DCX: variants seen among roughly 807,000 people sequenced by gnomAD.
DCX encodes the protein doublecortin, also known as neuronal migration protein doublecortin.
DCX carries 4 observed loss-of-function variants against 20.9 expected under a neutral mutation model. The observed-to-expected ratio is 0.19, with a 90% CI of 0.09 to 0.44. DCX has a LOEUF of 0.44. Ranked by LOEUF, DCX falls within the 20% of genes least tolerant of loss-of-function variation. The pLI is 0.99. For synonymous variants in DCX, 103 were observed against 111.4 expected (o/e 0.92, Z 0.47); for missense variants, 133 against 296.9 (o/e 0.45, Z 4.06).
At chrX:111,338,928 A>T (rs1460454042) in intron 3 of DCX, among the ~76,000 whole-genome samples, 1 of 111,748 alleles carries the variant, frequency 8.9e-6, no homozygotes, top group African/African-American at 3.3e-5. Flanking sequence ...GTTAAGGCCA[A>T]CAATGGCTTC....
chrX:111,310,795 T>C (rs751271146), intron 6 of DCX, among the ~76,000 whole-genome samples: 2 of 112,411 alleles, frequency 1.8e-5, no homozygotes, highest in African/African-American at 6.5e-5. Context: ...ATGGTTAGAA[T>C]TGAGTCAATA....
intron 3 of DCX, among the ~76,000 whole-genome samples, chrX:111,381,935 C>CT (rs942547064): frequency 5.4e-5 from 6 of 110,476 alleles, no homozygotes; most frequent in Non-Finnish European, 1.1e-4. Context: ...GCCTTTGATT[C>CT]TTTTTTTTTA....
At chrX:111,397,731 A>G (rs2147257912) in intron 3 of DCX, among the ~76,000 whole-genome samples, 1 of 111,897 alleles carries the variant, frequency 8.9e-6, no homozygotes, top group African/African-American at 3.2e-5. Context: ...TTTTATGTAA[A>G]CAACATTTTC....
At chrX:111,312,785 A>G in intron 5 of DCX, 49 bp from the exon 6 acceptor site, 2 of 1,126,854 alleles carry the variant, frequency 1.8e-6, no homozygotes, top group Non-Finnish European at 2.4e-6. Flanking sequence ...ACAGCATACA[A>G]AGGAGCAAGT....
At chrX:111,391,447 T>A (rs761296289) in intron 3 of DCX, among the ~76,000 whole-genome samples, 1 of 111,726 alleles carries the variant, frequency 9.0e-6, no homozygotes, top group South Asian at 3.8e-4. Context: ...TAATACCAGT[T>A]CCTTAACACA....
rs764774711 is a variant in DCX at position 111,334,927 on chromosome X, G to A, written c.706-1774C>T. ...ACTGGTTAGCACTGTTAGTTCAATA[G>A]GCATCCTGCATATTGTCCTAGTAGT... On this transcript the variant is annotated intron_variant, in intron 3 of 6. Transcript: ENST00000636035. Among the ~76,000 whole-genome samples the A allele has an allele frequency of 3.6e-5, 4 of 111,981 alleles. No homozygotes were observed. In the South Asian group the frequency reaches 1.1e-3, roughly 32 times the overall value.
chrX:111,306,972 T>A (rs747903922), intron 6 of DCX, among the ~76,000 whole-genome samples: 36 of 110,704 alleles, frequency 3.3e-4, no homozygotes, highest in Non-Finnish European at 3.8e-5. Context: ...GAAACAGAAT[T>A]GATTAGTGGT....
intron 3 of DCX, among the ~76,000 whole-genome samples, chrX:111,335,365 C>T (rs1303335986): frequency 8.9e-6 from 1 of 111,978 alleles, no homozygotes; most frequent in African/African-American, 3.2e-5. Context: ...GAGAGCTTAT[C>T]ACATAGTGAA....
chrX:111,356,499 T>A (rs981726817), intron 3 of DCX, among the ~76,000 whole-genome samples: 11 of 112,646 alleles, frequency 9.8e-5, no homozygotes, highest in Non-Finnish European at 5.6e-5. Context: ...TATAATTTTG[T>A]TATCTTACAG....
At chrX:111,304,603 T>C (rs1385142571) in intron 6 of DCX, among the ~76,000 whole-genome samples, 1 of 111,333 alleles carries the variant, frequency 9.0e-6, no homozygotes, top group Non-Finnish European at 1.9e-5. Flanking sequence ...GGTAGCTCCC[T>C]GGAAACTCCC....
chrX:111,340,168 G>C (rs925587750), intron 3 of DCX, among the ~76,000 whole-genome samples: 1 of 112,439 alleles, frequency 8.9e-6, no homozygotes, highest in East Asian at 2.8e-4. Flanking sequence ...ATAGCTCCAG[G>C]CCACACTTTT....
At chrX:111,384,088 T>C (rs1165915726) in intron 3 of DCX, among the ~76,000 whole-genome samples, 1 of 112,119 alleles carries the variant, frequency 8.9e-6, no homozygotes, top group East Asian at 2.8e-4. Context: ...CTTAGACCTT[T>C]GTTTCCAGCT....
Position 111,300,983 on chromosome X carries a change from T to C in DCX, c.*704A>G, listed in dbSNP as rs1176800002. On this transcript the variant is annotated 3_prime_UTR_variant, in exon 7 of 7. Coordinates refer to ENST00000636035, the MANE Select transcript of DCX (RefSeq NM_001195553.2). The stretch of plus-strand genomic sequence containing the variant: ...ATTCCAAATTGCCTCAGTGGAGAGA[T>C]TGACCAGGAATTCACTGTGCTTTAT... 2.6e-5 allele frequency: 3 copies of C among 113,638 alleles called. No homozygotes were observed. Among genetic ancestry groups the C allele is most frequent in the African/African-American group, 6.5e-5 (2 of 30,963 alleles). 9.4% of individuals were successfully genotyped at this position (113,638 alleles called of 1,213,427 possible). A position where few individuals can be genotyped will look rare whatever the true frequency, so the allele number is the denominator to read the frequency against.
chrX:111,346,956 G>T (rs1180964077), intron 3 of DCX, among the ~76,000 whole-genome samples: 1 of 111,400 alleles, frequency 9.0e-6, no homozygotes, highest in South Asian at 3.8e-4. Flanking sequence ...AGAAGTCAAA[G>T]TTCACCTATA....
intron 3 of DCX, among the ~76,000 whole-genome samples, chrX:111,341,643 C>T (rs1922247707): frequency 9.0e-6 from 1 of 111,523 alleles, no homozygotes. Context: ...AGGTCACCTA[C>T]AGAGGTAAGC....
chrX:111,326,358 A>G (rs1460210805), intron 5 of DCX, among the ~76,000 whole-genome samples: 1 of 111,900 alleles, frequency 8.9e-6, no homozygotes, highest in Non-Finnish European at 1.9e-5. Context: ...ATTCAATTCA[A>G]TTCAACTGGG....
intron 3 of DCX, among the ~76,000 whole-genome samples, chrX:111,374,819 T>C (rs938641014): frequency 9.2e-6 from 1 of 108,923 alleles, no homozygotes; most frequent in African/African-American, 3.3e-5. Flanking sequence ...TAACCCTTTG[T>C]TCTGCCAGTC....
At chrX:111,367,597 G>T (rs1924726745) in intron 3 of DCX, among the ~76,000 whole-genome samples, 1 of 111,748 alleles carries the variant, frequency 8.9e-6, no homozygotes, top group Admixed American at 9.5e-5. Context: ...TATCCCCTTT[G>T]TCTTTCTATA....
At chrX:111,349,197 T>C (rs950448312) in intron 3 of DCX, among the ~76,000 whole-genome samples, 2 of 111,887 alleles carry the variant, frequency 1.8e-5, no homozygotes, top group Non-Finnish European at 3.8e-5. Context: ...AGTTGATTTC[T>C]GAGGTCTCTT....
Sources: gnomAD v4.1 joint callset for allele counts (sites outside exome capture counted in the v4.1 genomes callset) on GRCh38, gnomAD v4.1.1 for gene constraint, MANE v1.5 for transcripts, NCBI Gene and HGNC (gene_info 2026-07-23, HGNC 2026-07-21) for gene names.